The following AGPAT3 variants were observed in gnomAD, a reference collection of about 807,000 sequenced individuals.
AGPAT3 encodes 1-acylglycerol-3-phosphate O-acyltransferase 3, also known as 1-acyl-sn-glycerol-3-phosphate acyltransferase gamma.
AGPAT3 carries 5 observed loss-of-function variants against 47.3 expected under a neutral mutation model. The observed-to-expected ratio is 0.11, with a 90% CI of 0.06 to 0.22. The LOEUF (loss-of-function observed/expected upper bound fraction) is 0.22. Ranked by LOEUF, AGPAT3 falls within the 10% of genes least tolerant of loss-of-function variation. The pLI is 1.00. For synonymous variants in AGPAT3, 212 were observed against 208.3 expected, an observed-to-expected ratio of 1.02 and a Z score of -0.15; for missense variants, 315 against 493.0, an observed-to-expected ratio of 0.64 and a Z score of 3.42.
Position 43,922,667 on chromosome 21 carries a change from T to A in AGPAT3, c.-49+18648T>A, listed in dbSNP as rs2086925701. On this transcript the variant is annotated intron_variant, in intron 2 of 9. Transcript: ENST00000291572. The surrounding 1 kb of genome is among the most constrained non-coding windows in gnomAD (Gnocchi z 4.9). Reference sequence around the variant, plus strand: ...CTACCTGCTCTGTGGGAAACAACAGTGTGCTCTGGGCTTCCATGGGGTCTC... The same window carrying A: ...CTACCTGCTCTGTGGGAAACAACAGAGTGCTCTGGGCTTCCATGGGGTCTC... 6.6e-6 allele frequency among the ~76,000 whole-genome samples: 1 copy of A among 152,046 alleles called. No homozygotes were observed. The highest frequency in any genetic ancestry group is 1.5e-5 in the Non-Finnish European group (1 of 68,016).
At chr21:43,911,446 A>T (rs1391873493) in intron 2 of AGPAT3, among the ~76,000 whole-genome samples, 1 of 152,264 alleles carries the variant, frequency 6.6e-6, no homozygotes, top group Non-Finnish European at 1.5e-5. Context: ...AGGCCAACGC[A>T]GCGAGGCCTG....
rs549844185 is a variant in AGPAT3, at chr21:43,883,391, C to T, written c.-112+18046C>T. Among the ~76,000 whole-genome samples, 10 of 152,342 alleles carry T rather than the reference C, an allele frequency of 6.6e-5. No individual in the cohort carries two copies. The South Asian group carries it at 2.1e-3, about 32-fold the overall frequency. On this transcript the variant is annotated intron_variant, in intron 1 of 9. Transcript: ENST00000291572. ...AGCCTCTTGGACAACATTTTCTCTC[C>T]AGTTTACAAGTAGGAGCCCCTTGCA... is the stretch of plus-strand genomic sequence containing the variant.
intron 3 of AGPAT3, among the ~76,000 whole-genome samples, chr21:43,963,750 C>T (rs2088991879): frequency 6.6e-6 from 1 of 150,866 alleles, no homozygotes; most frequent in Non-Finnish European, 1.5e-5. Flanking sequence ...GTCTTCGAAT[C>T]CCCGGAGAGG....
chr21:43,914,413 T>A (rs1018598609), intron 2 of AGPAT3, among the ~76,000 whole-genome samples: 1 of 152,232 alleles, frequency 6.6e-6, no homozygotes, highest in Non-Finnish European at 1.5e-5. Flanking sequence ...AGAATTCACT[T>A]GTGAAATCAT....
chr21:43,977,682 C>T (rs1451216545), intron 7 of AGPAT3, among the ~76,000 whole-genome samples: 1 of 151,972 alleles, frequency 6.6e-6, no homozygotes, highest in Non-Finnish European at 1.5e-5. Flanking sequence ...TCGAGACCAT[C>T]CTGGTCAACA....
intron 2 of AGPAT3, among the ~76,000 whole-genome samples, chr21:43,941,091 G>A (rs1343526608): frequency 6.6e-6 from 1 of 152,226 alleles, no homozygotes; most frequent in Non-Finnish European, 1.5e-5. Context: ...ACCAGGTGGT[G>A]CAGGGGGCAG....
chr21:43,894,706 T>G (rs993517157), intron 1 of AGPAT3, among the ~76,000 whole-genome samples: 2 of 152,212 alleles, frequency 1.3e-5, no homozygotes, highest in Non-Finnish European at 2.9e-5. Context: ...CTATACCCAC[T>G]AATCAACCTC....
intron 2 of AGPAT3, among the ~76,000 whole-genome samples, chr21:43,915,349 C>T (rs902949900): frequency 6.6e-6 from 1 of 150,826 alleles, no homozygotes; most frequent in African/African-American, 2.4e-5. Flanking sequence ...ACTGCGCCTG[C>T]CCCCCAGCCC....
rs184274316 is a variant in AGPAT3, at chr21:43,971,383, C to T, written c.665-5C>T. On this transcript the variant is annotated splice_region_variant and splice_polypyrimidine_tract_variant and intron_variant, in intron 6 of 9. Transcript: ENST00000291572. Reference sequence around the variant, plus strand: ...GGTCATTCACCCTCCCGTCTCCTCCCACAGTCGCAGCTGTCTATGATGTAA... The same window carrying T: ...GGTCATTCACCCTCCCGTCTCCTCCTACAGTCGCAGCTGTCTATGATGTAA... 21 of 1,613,870 alleles carry T rather than the reference C, an allele frequency of 1.3e-5. No individual in the cohort carries two copies. In the Admixed American group the frequency reaches 3.3e-4, roughly 26 times the overall value.
intron 2 of AGPAT3, among the ~76,000 whole-genome samples, chr21:43,916,735 C>A (rs1025805963): frequency 1.3e-5 from 2 of 152,044 alleles, no homozygotes; most frequent in African/African-American, 2.4e-5. Flanking sequence ...GTGTTTGGAC[C>A]AGGGCTGTGG....
intron 2 of AGPAT3, among the ~76,000 whole-genome samples, chr21:43,926,569 T>C (rs2087058915): frequency 6.6e-6 from 1 of 151,160 alleles, no homozygotes; most frequent in African/African-American, 2.4e-5. Context: ...TGGGTTTCCA[T>C]GCTGCGGCAT....
intron 1 of AGPAT3, among the ~76,000 whole-genome samples, chr21:43,891,458 CCTGTCTCTA>C (rs1475670375): frequency 6.6e-6 from 1 of 152,080 alleles, no homozygotes; most frequent in South Asian, 2.1e-4. Flanking sequence ...ACAGTGAAAC[CCTGTCTCTA>C]CTAAAAATAC....
At chr21:43,921,947 C>T (rs1311684252) in intron 2 of AGPAT3, among the ~76,000 whole-genome samples, 1 of 152,126 alleles carries the variant, frequency 6.6e-6, no homozygotes, top group Non-Finnish European at 1.5e-5. Context: ...TTTCACAGCT[C>T]CCCGGGGGTC....
chr21:43,948,558 A>AG (rs550143244), intron 2 of AGPAT3, among the ~76,000 whole-genome samples: 1 of 152,070 alleles, frequency 6.6e-6, no homozygotes, highest in Non-Finnish European at 1.5e-5. Context: ...TTACCAGCAA[A>AG]GGGGGTAGTG....
At chr21:43,961,500 G>A (rs1361693959) in intron 3 of AGPAT3, among the ~76,000 whole-genome samples, 2 of 107,318 alleles carry the variant, frequency 1.9e-5, no homozygotes, top group Admixed American at 1.0e-4. Context: ...CAGTGAACGC[G>A]TAGACACTTT....
At chr21:43,900,292 C>T (rs996567569) in intron 1 of AGPAT3, among the ~76,000 whole-genome samples, 2 of 152,214 alleles carry the variant, frequency 1.3e-5, no homozygotes, top group Non-Finnish European at 1.5e-5. Context: ...CCAGCTTGCA[C>T]TTCTAGCCAT....
At chr21:43,980,364 G>A (rs544736433) in intron 8 of AGPAT3, among the ~76,000 whole-genome samples, 1 of 148,416 alleles carries the variant, frequency 6.7e-6, no homozygotes, top group East Asian at 2.0e-4. Flanking sequence ...GGGCTGCCCC[G>A]CCCACGGGCA....
In AGPAT3 at chr21:43,932,192, G is replaced by A. The variant is rs542293031; in HGVS notation, c.-48-27442G>A. ...TTGTTAACTGGTCGCCACGCAGCGC[G>A]GCCGATCACGAACACGTCCCTCCAG... On this transcript the variant is annotated intron_variant, in intron 2 of 9. Transcript: ENST00000291572. This position sits in a 1 kb window ranked among gnomAD's most constrained non-coding sequence, Gnocchi z 5.2. Among the ~76,000 whole-genome samples, 4 of 152,100 alleles carry A rather than the reference G, an allele frequency of 2.6e-5. No individual in the cohort carries two copies. The highest frequency in any genetic ancestry group is 5.9e-5 in the Non-Finnish European group (4 of 68,024).
intron 1 of AGPAT3, among the ~76,000 whole-genome samples, chr21:43,892,080 G>A (rs1469865489): frequency 6.6e-6 from 1 of 152,148 alleles, no homozygotes. Flanking sequence ...GCTGAGGTGG[G>A]TGGATCACCT....
Sources: gnomAD v4.1 joint callset for allele counts (sites outside exome capture counted in the v4.1 genomes callset) on GRCh38, gnomAD v4.1.1 for gene constraint, Gnocchi (gnomAD v3.1) non-coding constraint, MANE v1.5 for transcripts, NCBI Gene and HGNC (gene_info 2026-07-23, HGNC 2026-07-21) for gene names.